TAFA1: variants seen among roughly 807,000 people sequenced by gnomAD.
TAFA1 encodes TAFA chemokine like family member 1.
Under a neutral mutation model 18.5 loss-of-function variants are expected in TAFA1, and 4 were observed. The ratio of observed to expected loss-of-function variants is 0.22; its 90% CI spans 0.11 to 0.49. TAFA1 has a LOEUF of 0.49. Ranked by LOEUF, TAFA1 falls within the 20% of genes least tolerant of loss-of-function variation. The pLI, the probability that TAFA1 is intolerant of heterozygous loss-of-function variation, is 0.98. For missense variants in TAFA1, 147 were observed against 169.0 expected (o/e 0.87, Z 0.72); for synonymous variants, 56 against 55.2 (o/e 1.01, Z -0.06).
intron 2 of TAFA1, among the ~76,000 whole-genome samples, chr3:68,027,343 G>A (rs533487326): frequency 2.0e-5 from 3 of 152,222 alleles, no homozygotes; most frequent in Non-Finnish European, 2.9e-5. Context: ...GATGTGGATT[G>A]TTTCTATTTT....
At chr3:68,357,056 T>C (rs372623854) in intron 2 of TAFA1, among the ~76,000 whole-genome samples, 3 of 151,896 alleles carry the variant, frequency 2.0e-5, no homozygotes, top group African/African-American at 7.2e-5. Context: ...CATGCAGAGA[T>C]AAAGATGCCA....
chr3:68,081,885 G>C (rs188498720), intron 2 of TAFA1, among the ~76,000 whole-genome samples: 1 of 152,196 alleles, frequency 6.6e-6, no homozygotes, highest in East Asian at 1.9e-4. Context: ...ATCAAGCCTG[G>C]GCAATGGCGG....
chr3:68,202,091 T>G (rs1467857155), intron 2 of TAFA1, among the ~76,000 whole-genome samples: 1 of 151,708 alleles, frequency 6.6e-6, no homozygotes, highest in African/African-American at 2.4e-5. Flanking sequence ...CTAAGTCCCA[T>G]CTCCTAACAC....
intron 2 of TAFA1, among the ~76,000 whole-genome samples, chr3:68,410,765 T>C (rs1009357103): frequency 1.9e-5 from 2 of 102,840 alleles, no homozygotes; most frequent in Admixed American, 2.4e-4. Flanking sequence ...AGCACCTAAA[T>C]GACTTAGCTT....
At chr3:68,317,113 G>A (rs1286802736) in intron 2 of TAFA1, among the ~76,000 whole-genome samples, 14 of 152,120 alleles carry the variant, frequency 9.2e-5, no homozygotes, top group Admixed American at 6.5e-4. Context: ...AATGAGTTGT[G>A]GAAGGGAATG....
chr3:68,380,583 G>A (rs2069925959), intron 2 of TAFA1, among the ~76,000 whole-genome samples: 2 of 152,136 alleles, frequency 1.3e-5, no homozygotes, highest in Non-Finnish European at 2.9e-5. Flanking sequence ...AGAAGTGTCT[G>A]TTCATATCCT....
At chr3:68,376,785 G>A (rs1464891980) in intron 2 of TAFA1, among the ~76,000 whole-genome samples, 4 of 152,106 alleles carry the variant, frequency 2.6e-5, no homozygotes, top group African/African-American at 9.7e-5. Context: ...ATATGGTTTG[G>A]CTCTGTGTCC....
At chr3:68,291,483 C>A (rs1370847916) in intron 2 of TAFA1, among the ~76,000 whole-genome samples, 2 of 151,866 alleles carry the variant, frequency 1.3e-5, no homozygotes, top group African/African-American at 4.8e-5. Flanking sequence ...CTAGACTTAC[C>A]CAAGACCAAA....
intron 2 of TAFA1, among the ~76,000 whole-genome samples, chr3:68,413,927 C>A (rs1032128916): frequency 1.3e-5 from 2 of 152,188 alleles, no homozygotes; most frequent in South Asian, 4.2e-4. Context: ...TACAGTGACC[C>A]TCATGGGGTA....
chr3:68,434,123 A>G (rs1483316154), intron 3 of TAFA1, among the ~76,000 whole-genome samples: 2 of 152,194 alleles, frequency 1.3e-5, no homozygotes, highest in African/African-American at 4.8e-5. Flanking sequence ...AATAATCTCT[A>G]TCAACAAAAC....
intron 2 of TAFA1, among the ~76,000 whole-genome samples, chr3:68,103,946 C>G (rs567671157): frequency 1.7e-4 from 26 of 152,234 alleles, no homozygotes; most frequent in Non-Finnish European, 1.5e-5. Flanking sequence ...GAACCCAGGT[C>G]TTCAGACAGC....
intron 2 of TAFA1, among the ~76,000 whole-genome samples, chr3:68,214,356 T>G (rs1020424308): frequency 1.3e-5 from 2 of 152,168 alleles, no homozygotes; most frequent in East Asian, 3.9e-4. Flanking sequence ...GATACTCTCC[T>G]GGCCACATGG....
At chr3:68,257,035 C>T (rs2067312519) in intron 2 of TAFA1, among the ~76,000 whole-genome samples, 1 of 152,068 alleles carries the variant, frequency 6.6e-6, no homozygotes, top group African/African-American at 2.4e-5. Flanking sequence ...TCCTTTCCAG[C>T]TTCATCTCAT....
At chr3:68,419,845 C>G (rs1445002741) in intron 3 of TAFA1, among the ~76,000 whole-genome samples, 1 of 152,130 alleles carries the variant, frequency 6.6e-6, no homozygotes, top group African/African-American at 2.4e-5. Context: ...TCGCGGTGAA[C>G]CAATTAAAGG....
At chr3:68,420,338 C>T (rs1178570753) in intron 3 of TAFA1, among the ~76,000 whole-genome samples, 2 of 152,180 alleles carry the variant, frequency 1.3e-5, no homozygotes, top group African/African-American at 4.8e-5. Flanking sequence ...TAGCTTACTG[C>T]AGCCTCAAAC....
intron 3 of TAFA1, among the ~76,000 whole-genome samples, chr3:68,500,871 G>T (rs2072645243): frequency 6.6e-6 from 1 of 151,940 alleles, no homozygotes; most frequent in South Asian, 2.1e-4. Context: ...GCTATCAAAA[G>T]AGGGGGAAAA....
At chr3:68,104,662 T>TATAA (rs1046023284) in intron 2 of TAFA1, among the ~76,000 whole-genome samples, 3 of 152,204 alleles carry the variant, frequency 2.0e-5, no homozygotes, top group South Asian at 4.1e-4. Context: ...AAGTTTTATT[T>TATAA]ATAAATAAAT....
intron 3 of TAFA1, among the ~76,000 whole-genome samples, chr3:68,473,769 C>T (rs1284333727): frequency 6.6e-6 from 1 of 152,142 alleles, no homozygotes; most frequent in African/African-American, 2.4e-5. Context: ...TCAGAAAAGA[C>T]TCCAGAAAGG....
intron 2 of TAFA1, among the ~76,000 whole-genome samples, chr3:68,056,378 T>C (rs915946361): frequency 3.3e-5 from 5 of 152,190 alleles, no homozygotes; most frequent in African/African-American, 9.6e-5. Context: ...TTCCTGGGAC[T>C]GTCTTGGTTT....
Sources: gnomAD v4.1 joint callset for allele counts (sites outside exome capture counted in the v4.1 genomes callset) on GRCh38, gnomAD v4.1.1 for gene constraint, MANE v1.5 for transcripts, NCBI Gene and HGNC (gene_info 2026-07-23, HGNC 2026-07-21) for gene names.